NLGN4X: variants seen among roughly 807,000 people sequenced by gnomAD.
NLGN4X encodes neuroligin 4 X-linked, also known as neuroligin-4, X-linked.
NLGN4X carries 3 observed loss-of-function variants against 40.3 expected under a neutral mutation model. The ratio of observed to expected loss-of-function variants is 0.07; its 90% CI spans 0.03 to 0.19. The LOEUF (loss-of-function observed/expected upper bound fraction) is 0.19, where lower values mean the gene tolerates loss of function less well. Among genes scored for constraint, NLGN4X ranks in the 10% least tolerant of loss-of-function variants. NLGN4X has a pLI of 1.00. For missense variants in NLGN4X, 382 were observed against 708.3 expected, an observed-to-expected ratio of 0.54 and a Z score of 5.23; for synonymous variants, 270 against 306.8, an observed-to-expected ratio of 0.88 and a Z score of 1.25.
At chrX:6,117,179 C>T (rs2039322049) in intron 2 of NLGN4X, among the ~76,000 whole-genome samples, 1 of 110,694 alleles carries the variant, frequency 9.0e-6, no homozygotes, top group South Asian at 3.9e-4. Context: ...ACTGCCTCCT[C>T]TCCTCATATT....
chrX:6,150,464 C>G (rs2040141451), intron 2 of NLGN4X, among the ~76,000 whole-genome samples: 1 of 111,903 alleles, frequency 8.9e-6, no homozygotes, highest in African/African-American at 3.2e-5. Context: ...AAAACCGATT[C>G]TAAACAATGA....
chrX:5,940,609 A>AC (rs1313517224), intron 3 of NLGN4X, among the ~76,000 whole-genome samples: 4 of 109,485 alleles, frequency 3.7e-5, no homozygotes, highest in African/African-American at 1.3e-4. Flanking sequence ...GAAAAAAAAA[A>AC]AACTTTTTTT....
chrX:6,021,750 T>TTTG (rs1043386771), intron 3 of NLGN4X, among the ~76,000 whole-genome samples: 2 of 110,560 alleles, frequency 1.8e-5, no homozygotes, highest in African/African-American at 6.6e-5. Context: ...TTTGTTTTTT[T>TTTG]TTTTGTTTTG....
At chrX:6,164,668 T>G (rs748852874) in intron 1 of NLGN4X, among the ~76,000 whole-genome samples, 1 of 111,502 alleles carries the variant, frequency 9.0e-6, no homozygotes, top group African/African-American at 3.3e-5. Context: ...ATACCTCTCC[T>G]AATGAACTGT....
At chrX:6,089,145 A>G (rs1290692272) in intron 2 of NLGN4X, among the ~76,000 whole-genome samples, 4 of 112,078 alleles carry the variant, frequency 3.6e-5, no homozygotes, top group African/African-American at 1.3e-4. Flanking sequence ...AAATTTCTAA[A>G]TTTCTATAAA....
intron 1 of NLGN4X, among the ~76,000 whole-genome samples, chrX:6,217,622 T>C (rs1487834155): frequency 1.8e-5 from 2 of 111,876 alleles, no homozygotes; most frequent in African/African-American, 6.5e-5. Context: ...GATTTTTTTT[T>C]TGAGGTATTG....
At chrX:5,947,384 T>A (rs1169110587) in intron 3 of NLGN4X, among the ~76,000 whole-genome samples, 4 of 111,741 alleles carry the variant, frequency 3.6e-5, no homozygotes, top group African/African-American at 1.3e-4. Context: ...TTCATAGGGA[T>A]GAAGGAACGT....
At chrX:6,162,293 G>T (rs761697234) in intron 1 of NLGN4X, among the ~76,000 whole-genome samples, 2 of 112,051 alleles carry the variant, frequency 1.8e-5, no homozygotes, top group Non-Finnish European at 3.8e-5. Context: ...TTAATGCTGA[G>T]TGTCAACTTC....
intron 2 of NLGN4X, among the ~76,000 whole-genome samples, chrX:6,102,274 A>G (rs1223787249): frequency 9.0e-6 from 1 of 111,491 alleles, no homozygotes; most frequent in Non-Finnish European, 1.9e-5. Context: ...TATACCTACC[A>G]TGTACCCACA....
At chrX:6,178,049 G>T (rs947537112) in intron 1 of NLGN4X, among the ~76,000 whole-genome samples, 2 of 111,281 alleles carry the variant, frequency 1.8e-5, no homozygotes, top group Admixed American at 1.9e-4. Context: ...CCAGCCTCCA[G>T]AATTGAGCAA....
At chrX:6,220,005 T>G (rs2147901340) in intron 1 of NLGN4X, among the ~76,000 whole-genome samples, 1 of 110,600 alleles carries the variant, frequency 9.0e-6, no homozygotes, top group South Asian at 3.8e-4. Flanking sequence ...CAGGCACCTG[T>G]GAGCTTTTTT....
At chrX:6,196,399 AC>A (rs1923061130) in intron 1 of NLGN4X, among the ~76,000 whole-genome samples, 1 of 108,306 alleles carries the variant, frequency 9.2e-6, no homozygotes, top group South Asian at 4.2e-4. Flanking sequence ...AAAATACAAA[AC>A]AATTAGCCGG....
chrX:5,929,840 T>A (rs539898431), intron 3 of NLGN4X, among the ~76,000 whole-genome samples: 2 of 112,465 alleles, frequency 1.8e-5, no homozygotes, highest in South Asian at 7.4e-4. Flanking sequence ...AACCTGTGGA[T>A]TTTTGTGCTT....
At chrX:5,966,246 C>A (rs180826435) in intron 3 of NLGN4X, among the ~76,000 whole-genome samples, 2,030 of 112,338 alleles carry the variant, frequency 0.018, 20 homozygotes, top group Non-Finnish European at 0.027. Context: ...TATCCTCTCA[C>A]AAAATAGTAC....
intron 3 of NLGN4X, among the ~76,000 whole-genome samples, chrX:5,966,860 G>T (rs1401649140): frequency 1.8e-5 from 2 of 112,115 alleles, no homozygotes; most frequent in African/African-American, 3.2e-5. Context: ...AGGAAAGATT[G>T]TTTTGAAACT....
rs756956953 is a variant in NLGN4X, at chrX:6,189,578, T to G, written c.-305-37807A>C. On this transcript the variant is annotated intron_variant, in intron 1 of 5. Transcript: ENST00000381095. ...AGAAGTTCTCATTTCCTTCTCATGA[T>G]TGTGCACTTTATATAATGTTCCCTT... Among the ~76,000 whole-genome samples, 111 of 112,190 alleles carry G rather than the reference T, an allele frequency of 9.9e-4. 1 individual carries two copies. The highest frequency in any genetic ancestry group is 3.3e-3 in the African/African-American group (103 of 30,953).
intron 2 of NLGN4X, among the ~76,000 whole-genome samples, chrX:6,146,998 G>T (rs1056631530): frequency 9.0e-6 from 1 of 111,153 alleles, no homozygotes; most frequent in African/African-American, 3.3e-5. Flanking sequence ...CACCATATTG[G>T]CCAGGCTGGT....
chrX:5,914,453 C>A (rs1364213109), intron 3 of NLGN4X, among the ~76,000 whole-genome samples: 2 of 111,020 alleles, frequency 1.8e-5, no homozygotes, highest in African/African-American at 6.5e-5. Context: ...AGCTGCAATC[C>A]ATTTTCTTTT....
chrX:6,025,785 T>G (rs2036673931), intron 3 of NLGN4X, among the ~76,000 whole-genome samples: 1 of 107,661 alleles, frequency 9.3e-6, no homozygotes, highest in African/African-American at 3.4e-5. Flanking sequence ...GCGCCTGTAA[T>G]CCCAGCTACT....
Sources: gnomAD v4.1 joint callset for allele counts (sites outside exome capture counted in the v4.1 genomes callset) on GRCh38, gnomAD v4.1.1 for gene constraint, MANE v1.5 for transcripts, NCBI Gene and HGNC (gene_info 2026-07-23, HGNC 2026-07-21) for gene names.